Variants in ABI3BP observed in about 807,000 individuals in gnomAD.
ABI3BP encodes target of Nesh-SH3.
Under a neutral mutation model 268.6 loss-of-function variants are expected in ABI3BP, and 216 were observed. The observed-to-expected ratio is 0.80, with a 90% CI of 0.72 to 0.90. ABI3BP has a LOEUF of 0.90. Among genes scored for constraint, ABI3BP ranks in the 40% least tolerant of loss-of-function variants. The probability of loss-of-function intolerance (pLI) is 0.00; values close to 1 mark genes in which losing one functional copy is unlikely to be tolerated. For missense variants in ABI3BP, 2,090 were observed against 2,182.4 expected (o/e 0.96, Z 0.84); for synonymous variants, 730 against 730.0 (o/e 1.00, Z 0.00).
intron 4 of ABI3BP, among the ~76,000 whole-genome samples, chr3:100,887,904 T>G (rs1039193762): frequency 1.3e-5 from 2 of 152,046 alleles, no homozygotes; most frequent in Non-Finnish European, 2.9e-5. Flanking sequence ...ACACGTAGAC[T>G]CTGTTCAAAA....
intron 63 of ABI3BP, among the ~76,000 whole-genome samples, chr3:100,763,577 G>C (rs2096101240): frequency 6.6e-6 from 1 of 152,124 alleles, no homozygotes; most frequent in South Asian, 2.1e-4. Context: ...ACTGACAAAA[G>C]ACAGGAGCAA....
chr3:100,809,880 AT>A (rs748976252), intron 49 of ABI3BP, among the ~76,000 whole-genome samples: 13 of 152,016 alleles, frequency 8.6e-5, no homozygotes, highest in Non-Finnish European at 1.3e-4. Context: ...AATTGTTTTG[AT>A]TTTTTTTATT....
chr3:100,833,242 A>G, intron 29 of ABI3BP, 85 bp from the exon 30 acceptor site: 1 of 1,287,648 alleles, frequency 7.8e-7, no homozygotes, highest in Non-Finnish European at 1.1e-6. Context: ...TTGAAAAGTG[A>G]ACTTTACCAT....
chr3:100,769,241 A>T (rs937550614), intron 62 of ABI3BP, among the ~76,000 whole-genome samples: 28 of 152,202 alleles, frequency 1.8e-4, no homozygotes, highest in African/African-American at 6.3e-4. Context: ...ATACGAACTT[A>T]ATTCTATTTA....
intron 57 of ABI3BP, among the ~76,000 whole-genome samples, chr3:100,783,232 C>A (rs2096921237): frequency 6.6e-6 from 1 of 152,140 alleles, no homozygotes; most frequent in African/African-American, 2.4e-5. Context: ...GGGCAGGGAG[C>A]CAGCAGGCTG....
At chr3:100,869,027 G>A (rs1286373468) in intron 9 of ABI3BP, among the ~76,000 whole-genome samples, 2 of 151,858 alleles carry the variant, frequency 1.3e-5, no homozygotes, top group African/African-American at 4.8e-5. Context: ...TTCTCTTTCA[G>A]TGTTCTCTTC....
chr3:100,841,220 T>TTTTTTTTTTTTTGTTTTTTTG (rs1560681726), intron 21 of ABI3BP, among the ~76,000 whole-genome samples: 15 of 119,588 alleles, frequency 1.3e-4, no homozygotes, highest in South Asian at 2.8e-4. Context: ...TTTTTTTTTT[T>TTTTTTTTTTTTTGTTTTTTTG]TTTTTTTGCT....
chr3:100,908,431 G>T (rs887005227), intron 2 of ABI3BP, among the ~76,000 whole-genome samples: 3 of 152,116 alleles, frequency 2.0e-5, no homozygotes, highest in African/African-American at 7.2e-5. Context: ...ATTCACAACT[G>T]CTACAAAGAG....
chr3:100,796,219 T>C (rs1469502267), intron 52 of ABI3BP, among the ~76,000 whole-genome samples, 190 bp downstream of exon 52: 1 of 152,076 alleles, frequency 6.6e-6, no homozygotes, highest in Non-Finnish European at 1.5e-5. Context: ...TATATACTAT[T>C]CCCTCACTTC....
At chr3:100,939,546 G>A (rs906187508) in intron 1 of ABI3BP, among the ~76,000 whole-genome samples, 1 of 152,036 alleles carries the variant, frequency 6.6e-6, no homozygotes, top group Non-Finnish European at 1.5e-5. Context: ...AGACCAGCAA[G>A]TTTTTATTAG....
At chr3:100,963,845 A>G (rs1294907678) in intron 1 of ABI3BP, among the ~76,000 whole-genome samples, 3 of 152,182 alleles carry the variant, frequency 2.0e-5, no homozygotes, top group Non-Finnish European at 4.4e-5. Flanking sequence ...ACCAGCCCTG[A>G]AAGTCCTCAG....
chr3:100,976,947 G>T (rs1394163644), intron 1 of ABI3BP, among the ~76,000 whole-genome samples: 2 of 152,242 alleles, frequency 1.3e-5, no homozygotes, highest in Non-Finnish European at 2.9e-5. Context: ...AAGGCCTCTG[G>T]AGATGTGGTC....
At chr3:100,752,583 T>A (rs948061440) in intron 66 of ABI3BP, 7 of 501,492 alleles carry the variant, frequency 1.4e-5, no homozygotes, top group Admixed American at 1.3e-4. Context: ...TAATTGCATT[T>A]TTATTATTTA....
At chr3:100,770,433 T>A (rs1270762744) in intron 62 of ABI3BP, among the ~76,000 whole-genome samples, 1 of 152,206 alleles carries the variant, frequency 6.6e-6, no homozygotes, top group Non-Finnish European at 1.5e-5. Context: ...TAATCAGCAA[T>A]GTAATTTTCT....
chr3:100,980,124 T>C (rs1384578833), intron 1 of ABI3BP, among the ~76,000 whole-genome samples: 1 of 152,246 alleles, frequency 6.6e-6, no homozygotes, highest in Non-Finnish European at 1.5e-5. Flanking sequence ...AGTAGGTTAT[T>C]ATACATTAGA....
chr3:100,934,317 C>A (rs1007285374), intron 1 of ABI3BP, among the ~76,000 whole-genome samples: 6 of 151,984 alleles, frequency 3.9e-5, no homozygotes, highest in Admixed American at 6.6e-5. Context: ...TGAACTCATC[C>A]TTTTTTATGG....
At chr3:100,895,383 T>C (rs1453502954) in intron 4 of ABI3BP, among the ~76,000 whole-genome samples, 2 of 152,202 alleles carry the variant, frequency 1.3e-5, no homozygotes, top group Non-Finnish European at 1.5e-5. Context: ...TGATATTTCA[T>C]TGATACTTCC....
intron 31 of ABI3BP, among the ~76,000 whole-genome samples, chr3:100,831,220 G>A (rs1229602632): frequency 6.6e-6 from 1 of 152,004 alleles, no homozygotes; most frequent in African/African-American, 2.4e-5. Flanking sequence ...TCACTCTGTT[G>A]AATAGGTGCA....
intron 44 of ABI3BP, among the ~76,000 whole-genome samples, chr3:100,814,419 T>C (rs553040497): frequency 6.6e-6 from 1 of 152,242 alleles, no homozygotes; most frequent in South Asian, 2.1e-4. Flanking sequence ...TTGATACTTG[T>C]TTTATTTGTG....
Sources: gnomAD v4.1 joint callset for allele counts (sites outside exome capture counted in the v4.1 genomes callset) on GRCh38, gnomAD v4.1.1 for gene constraint, MANE v1.5 for transcripts, NCBI Gene and HGNC (gene_info 2026-07-23, HGNC 2026-07-21) for gene names.